STRBP: variants seen among roughly 807,000 people sequenced by gnomAD.
STRBP encodes the protein spermatid perinuclear RNA-binding protein.
A neutral mutation model predicts 80.1 loss-of-function variants in STRBP; 13 were observed. The observed-to-expected ratio is 0.16, with a 90% CI of 0.11 to 0.26. The LOEUF (loss-of-function observed/expected upper bound fraction) is 0.26, where lower values mean the gene tolerates loss of function less well. STRBP is among the 10% of genes least tolerant of loss of function. The pLI, the probability that STRBP is intolerant of heterozygous loss-of-function variation, is 1.00. For missense variants in STRBP, 485 were observed against 815.2 expected (o/e 0.59, Z 4.93); for synonymous variants, 284 against 291.2 (o/e 0.98, Z 0.25).
intron 2 of STRBP, among the ~76,000 whole-genome samples, chr9:123,235,508 G>GAA (rs200275946): frequency 2.6e-5 from 2 of 76,986 alleles, no homozygotes; most frequent in African/African-American, 4.1e-5. Flanking sequence ...GCAACTTCAG[G>GAA]AAAAAAAAAA....
chr9:123,202,700 C>T (rs1436457351), intron 2 of STRBP, among the ~76,000 whole-genome samples: 3 of 152,090 alleles, frequency 2.0e-5, no homozygotes, highest in African/African-American at 7.2e-5. Flanking sequence ...AAGAGTATAA[C>T]TGGAATGTCT....
chr9:123,161,636 C>A (rs1039690266), intron 6 of STRBP, among the ~76,000 whole-genome samples: 2 of 152,108 alleles, frequency 1.3e-5, no homozygotes, highest in Middle Eastern at 3.2e-3. Flanking sequence ...ATTGAGAACT[C>A]AAGTATCAGT....
At chr9:123,189,393 A>G (rs2038833821) in intron 2 of STRBP, among the ~76,000 whole-genome samples, 1 of 151,686 alleles carries the variant, frequency 6.6e-6, no homozygotes, top group South Asian at 2.1e-4. Context: ...GCACACCAAC[A>G]TGGCACATGT....
At chr9:123,147,081 G>C in intron 12 of STRBP, 27 bp from the exon 13 acceptor site, 1 of 1,581,678 alleles carries the variant, frequency 6.3e-7, no homozygotes, top group Non-Finnish European at 8.6e-7. Flanking sequence ...AATGAGGTCA[G>C]AAATTAACTA....
chr9:123,224,686 C>A (rs936689879), intron 2 of STRBP, among the ~76,000 whole-genome samples: 4 of 152,260 alleles, frequency 2.6e-5, no homozygotes, highest in Middle Eastern at 3.4e-3. Flanking sequence ...AAGTACTATA[C>A]TGGGGTACAA....
intron 2 of STRBP, among the ~76,000 whole-genome samples, chr9:123,187,959 A>G (rs893936820): frequency 1.3e-5 from 2 of 151,274 alleles, no homozygotes; most frequent in African/African-American, 2.4e-5. Flanking sequence ...CCATTACAGT[A>G]TCATACAAAA....
chr9:123,170,088 C>T, intron 5 of STRBP, 42 bp from the exon 6 acceptor site: 3 of 1,558,450 alleles, frequency 1.9e-6, no homozygotes, highest in Non-Finnish European at 1.7e-6. Context: ...GTTAATTAGA[C>T]TGAAACCTCA....
chr9:123,180,367 T>C (rs1397313051), intron 3 of STRBP, among the ~76,000 whole-genome samples: 1 of 152,242 alleles, frequency 6.6e-6, no homozygotes, highest in African/African-American at 2.4e-5. Context: ...GTTCACTATT[T>C]GACATTCAAA....
intron 5 of STRBP, among the ~76,000 whole-genome samples, chr9:123,172,409 C>T (rs1028463071): frequency 6.6e-6 from 1 of 152,108 alleles, no homozygotes; most frequent in Non-Finnish European, 1.5e-5. Context: ...ATTAGCTTTC[C>T]ACTTTGTAAA....
At chr9:123,241,601 A>G (rs552331330) in intron 1 of STRBP, among the ~76,000 whole-genome samples, 1 of 152,168 alleles carries the variant, frequency 6.6e-6, no homozygotes, top group African/African-American at 2.4e-5. Flanking sequence ...GATAACAATA[A>G]TCATCCAACC....
At chr9:123,114,250 G>A (rs2035610571) in intron 3 of STRBP, 1 of 167,106 alleles carries the variant, frequency 6.0e-6, no homozygotes, top group African/African-American at 2.4e-5. Context: ...AAGCAAAAGT[G>A]GCAGCACTGG....
chr9:123,119,270 T>C (rs752406992), downstream of STRBP, among the ~76,000 whole-genome samples: 2 of 152,138 alleles, frequency 1.3e-5, no homozygotes, highest in South Asian at 2.1e-4. Context: ...CCGGAGGCAG[T>C]TGTAACCAAA....
chr9:123,167,433 G>A (rs185584679), intron 6 of STRBP, among the ~76,000 whole-genome samples: 12 of 152,276 alleles, frequency 7.9e-5, no homozygotes, highest in Admixed American at 7.8e-4. Flanking sequence ...CAGCTGTCTA[G>A]TGTGAGAAAA....
intron 1 of STRBP, among the ~76,000 whole-genome samples, chr9:123,249,179 A>G (rs1232679921): frequency 1.3e-5 from 2 of 151,974 alleles, no homozygotes; most frequent in African/African-American, 2.4e-5. Context: ...GGAGTTGGAA[A>G]CCGCAGGTCA....
In STRBP at chr9:123,110,473, G is replaced by C. The variant is rs972476943; in HGVS notation, c.*85-720C>G. On this transcript the variant is annotated intron_variant and NMD_transcript_variant, in intron 3 of 3. Transcript: ENST00000471564. This position sits in a 1 kb window ranked among gnomAD's most constrained non-coding sequence, Gnocchi z 4.1. Reference sequence around the variant, plus strand: ...GGACCAACCAACCACTTAGACCAAAGGCTCAGCACAACAGGCCAGACAGAT... The same window carrying C: ...GGACCAACCAACCACTTAGACCAAACGCTCAGCACAACAGGCCAGACAGAT... 1 of 169,176 alleles carries C rather than the reference G, an allele frequency of 5.9e-6. No homozygotes were observed. Among genetic ancestry groups the C allele is most frequent in the Non-Finnish European group, 1.5e-5 (1 of 68,216 alleles). The allele number at this position is 169,176 out of a possible 1,614,324, so 10.5% of individuals were successfully genotyped here. A position where few individuals can be genotyped will look rare whatever the true frequency, so the allele number is the denominator to read the frequency against.
chr9:123,234,050 A>G (rs1302808988), intron 2 of STRBP, among the ~76,000 whole-genome samples: 1 of 151,880 alleles, frequency 6.6e-6, no homozygotes. Flanking sequence ...AATACAAAAA[A>G]ATTAGCCAGG....
At chr9:123,132,298 A>G (rs1466649085) in intron 17 of STRBP, among the ~76,000 whole-genome samples, 3 of 152,230 alleles carry the variant, frequency 2.0e-5, no homozygotes, top group Admixed American at 2.0e-4. Flanking sequence ...TGAAGATTAA[A>G]AACAAATTAA....
At chr9:123,195,153 A>AC (rs2039049891) in intron 2 of STRBP, among the ~76,000 whole-genome samples, 1 of 152,122 alleles carries the variant, frequency 6.6e-6, no homozygotes, top group South Asian at 2.1e-4. Context: ...AAAAAACCAC[A>AC]CAAGTTTGCT....
intron 2 of STRBP, among the ~76,000 whole-genome samples, chr9:123,210,543 A>T (rs1204795230): frequency 6.6e-6 from 1 of 152,168 alleles, no homozygotes; most frequent in Non-Finnish European, 1.5e-5. Flanking sequence ...ATAAAAAATG[A>T]TCAAGCAGGC....
Sources: allele counts gnomAD v4.1 joint callset (sites outside exome capture counted in the v4.1 genomes callset), GRCh38; gene constraint gnomAD v4.1.1; non-coding constraint Gnocchi (gnomAD v3.1); transcripts MANE v1.5; gene names NCBI Gene and HGNC (gene_info 2026-07-23, HGNC 2026-07-21).